Variants in CDH18 observed in about 807,000 individuals in gnomAD.
CDH18 encodes cadherin 18.
Under a neutral mutation model 67.9 loss-of-function variants are expected in CDH18, and 31 were observed. The observed-to-expected ratio is 0.46, with a 90% CI of 0.34 to 0.62. The LOEUF (loss-of-function observed/expected upper bound fraction) is 0.62, where lower values mean the gene tolerates loss of function less well. CDH18 is among the 20% of genes least tolerant of loss of function. The probability of loss-of-function intolerance (pLI) is 0.01; values close to 1 mark genes in which losing one functional copy is unlikely to be tolerated. For synonymous variants in CDH18, 362 were observed against 347.2 expected, an observed-to-expected ratio of 1.04 and a Z score of -0.48; for missense variants, 890 against 975.5, an observed-to-expected ratio of 0.91 and a Z score of 1.17.
chr5:19,874,552 T>G (rs1786722014), intron 2 of CDH18, among the ~76,000 whole-genome samples: 1 of 152,222 alleles, frequency 6.6e-6, no homozygotes. Context: ...CATCATAGTT[T>G]ATAATAAACT....
chr5:20,254,839 A>G (rs1041884152), intron 2 of CDH18, among the ~76,000 whole-genome samples: 4 of 152,166 alleles, frequency 2.6e-5, no homozygotes, highest in Admixed American at 2.0e-4. Flanking sequence ...CACTAGGCAC[A>G]ATGGCAAAGA....
At chr5:20,489,631 A>G (rs75454996) in intron 1 of CDH18, among the ~76,000 whole-genome samples, 3,027 of 152,146 alleles carry the variant, frequency 0.02, 49 homozygotes, top group Non-Finnish European at 0.031. Flanking sequence ...TCAAGATAAA[A>G]AAGTTTTTTT....
At chr5:19,835,014 T>C (rs1031423234) in intron 3 of CDH18, among the ~76,000 whole-genome samples, 17 of 152,262 alleles carry the variant, frequency 1.1e-4, no homozygotes, top group African/African-American at 4.1e-4. Flanking sequence ...AGCAATCTCA[T>C]TACTGGATAT....
At chr5:20,019,497 G>T (rs1408545894) in intron 2 of CDH18, among the ~76,000 whole-genome samples, 1 of 152,088 alleles carries the variant, frequency 6.6e-6, no homozygotes, top group East Asian at 1.9e-4. Context: ...CCTCTTGCTG[G>T]TCTCATAATA....
At chr5:19,821,358 T>G (rs2149947459) in intron 3 of CDH18, among the ~76,000 whole-genome samples, 1 of 147,498 alleles carries the variant, frequency 6.8e-6, no homozygotes, top group African/African-American at 2.5e-5. Flanking sequence ...ATTTTTGAGC[T>G]CAGAGACTGG....
intron 2 of CDH18, among the ~76,000 whole-genome samples, chr5:19,842,879 GA>G (rs571066338): frequency 9.2e-4 from 140 of 152,232 alleles, no homozygotes; most frequent in Non-Finnish European, 1.6e-3. Context: ...AGGAACTGGA[GA>G]AAAGGTCACT....
At chr5:19,786,105 C>T (rs1775749295) in intron 3 of CDH18, among the ~76,000 whole-genome samples, 1 of 151,900 alleles carries the variant, frequency 6.6e-6, no homozygotes, top group South Asian at 2.1e-4. Context: ...TAAAAACATT[C>T]CTACAATGAA....
rs1218087778 is a variant in CDH18 at position 20,005,593 on chromosome 5, C to CATACAT, written c.-517-13585_-517-13580dup. ...ACACACATGCATACATATACACACA[C>CATACAT]ATACATATACATATACATATGCATA... On this transcript the variant is annotated intron_variant, in intron 2 of 14. Coordinates refer to the CDH18 transcript ENST00000507958. 3.3e-5 allele frequency among the ~76,000 whole-genome samples: 5 copies of CATACAT among 151,884 alleles called. No homozygotes were observed. The South Asian group carries it at 6.2e-4, about 19-fold the overall frequency.
intron 1 of CDH18, among the ~76,000 whole-genome samples, chr5:20,382,856 T>G (rs576558015): frequency 1.3e-5 from 2 of 152,284 alleles, no homozygotes; most frequent in South Asian, 2.1e-4. Context: ...TCTCCACAGC[T>G]ATCAACACCT....
intron 1 of CDH18, among the ~76,000 whole-genome samples, chr5:20,550,195 G>C (rs1322097747): frequency 1.3e-5 from 2 of 152,114 alleles, no homozygotes; most frequent in African/African-American, 4.8e-5. Context: ...TATTCAAAAG[G>C]TAATGGTAAA....
At chr5:20,030,271 T>G (rs1739280266) in intron 2 of CDH18, among the ~76,000 whole-genome samples, 2 of 152,120 alleles carry the variant, frequency 1.3e-5, no homozygotes. Context: ...GACATCTCAG[T>G]GTGTGTCATA....
At chr5:19,756,917 T>C (rs1328265783) in intron 3 of CDH18, among the ~76,000 whole-genome samples, 4 of 152,162 alleles carry the variant, frequency 2.6e-5, no homozygotes, top group Non-Finnish European at 5.9e-5. Context: ...AACAGTACAA[T>C]ATAGCGGATG....
At chr5:19,618,099 C>T (rs539317758) in intron 5 of CDH18, among the ~76,000 whole-genome samples, 15 of 152,234 alleles carry the variant, frequency 9.9e-5, no homozygotes, top group Non-Finnish European at 1.6e-4. Context: ...CAAGCCTGCA[C>T]ATTTAAATTC....
chr5:19,735,018 C>A (rs923944747), intron 4 of CDH18, among the ~76,000 whole-genome samples: 1 of 152,122 alleles, frequency 6.6e-6, no homozygotes, highest in Non-Finnish European at 1.5e-5. Flanking sequence ...TGTCCTCCCT[C>A]GGAGGCAAAT....
chr5:20,314,044 A>C (rs1398951195), intron 1 of CDH18, among the ~76,000 whole-genome samples: 2 of 152,148 alleles, frequency 1.3e-5, no homozygotes, highest in Non-Finnish European at 1.5e-5. Context: ...ATGTGATAGA[A>C]TATGCAAATC....
chr5:19,680,952 C>A (rs1760217015), intron 5 of CDH18, among the ~76,000 whole-genome samples: 1 of 151,958 alleles, frequency 6.6e-6, no homozygotes, highest in Non-Finnish European at 1.5e-5. Flanking sequence ...ACTATAAAGA[C>A]ACATTCATGT....
intron 2 of CDH18, among the ~76,000 whole-genome samples, chr5:20,188,673 C>G (rs955869666): frequency 6.6e-6 from 1 of 151,818 alleles, no homozygotes; most frequent in East Asian, 1.9e-4. Context: ...CATTTTAAAT[C>G]CAGTTCTCAC....
In CDH18 at chr5:19,923,015, C is replaced by A. The variant is rs1167480391; in HGVS notation, c.-257+58045G>T. The stretch of plus-strand genomic sequence containing the variant: ...CCATCCTCTAATGATAAAGTGACGT[C>A]TCTGTACCATCTATTTCTATCCGGT... On this transcript the variant is annotated intron_variant, in intron 2 of 12. Transcript: ENST00000382275. Among the ~76,000 whole-genome samples, 9 of 152,260 alleles carry A rather than the reference C, an allele frequency of 5.9e-5. No individual in the cohort carries two copies. In the East Asian group the frequency reaches 1.5e-3, roughly 26 times the overall value.
chr5:20,066,230 C>G (rs184729600), intron 2 of CDH18, among the ~76,000 whole-genome samples: 13 of 152,040 alleles, frequency 8.6e-5, no homozygotes, highest in Admixed American at 7.9e-4. Flanking sequence ...ACGAAGAAAA[C>G]TTTGAAAATG....
Sources: gnomAD v4.1 joint callset for allele counts (sites outside exome capture counted in the v4.1 genomes callset) on GRCh38, gnomAD v4.1.1 for gene constraint, MANE v1.5 for transcripts, NCBI Gene and HGNC (gene_info 2026-07-23, HGNC 2026-07-21) for gene names.